The following KSR2 variants were observed in gnomAD, a reference collection of about 807,000 sequenced individuals.
KSR2 encodes the protein kinase suppressor of ras 2.
A neutral mutation model predicts 107.8 loss-of-function variants in KSR2; 25 were observed. The observed-to-expected ratio is 0.23, with a 90% CI of 0.17 to 0.32. The LOEUF (loss-of-function observed/expected upper bound fraction) is 0.32, where lower values mean the gene tolerates loss of function less well. Among genes scored for constraint, KSR2 ranks in the 10% least tolerant of loss-of-function variants. The probability of loss-of-function intolerance (pLI) is 1.00; values close to 1 mark genes in which losing one functional copy is unlikely to be tolerated. For synonymous variants in KSR2, 480 were observed against 507.0 expected, an observed-to-expected ratio of 0.95 and a Z score of 0.71; for missense variants, 887 against 1,268.9, an observed-to-expected ratio of 0.70 and a Z score of 4.57.
At chr12:117,682,391 G>A (rs964059678) in intron 4 of KSR2, among the ~76,000 whole-genome samples, 1 of 152,042 alleles carries the variant, frequency 6.6e-6, no homozygotes, top group African/African-American at 2.4e-5. Context: ...TGACAAACCT[G>A]CATGTCCTGC....
At position 117,466,853 on chromosome 12, in the gene KSR2, G is replaced by GC. The variant is rs1258410363; in HGVS notation, c.*345dup. 25 of 291,042 alleles carry GC rather than the reference G, an allele frequency of 8.6e-5. No individual in the cohort carries two copies. Among genetic ancestry groups the GC allele is most frequent in the East Asian group, 5.5e-4 (10 of 18,054 alleles). 18.0% of individuals were successfully genotyped at this position (291,042 alleles called of 1,614,324 possible). On this transcript the variant is annotated 3_prime_UTR_variant, in exon 20 of 20. Transcript: ENST00000339824. ...CACACACACATAGCCCCGTCTGTGA[G>GC]CCCCCCCACGTGGGGTCTCCTGTCC...
rs1204698322 is a variant in KSR2 at position 117,454,553 on chromosome 12, G to C, written c.*12646C>G. 3.3e-5 allele frequency: 5 copies of C among 152,250 alleles called. No homozygotes were observed. Among genetic ancestry groups the C allele is most frequent in the African/African-American group, 1.2e-4 (5 of 41,450 alleles). 9.4% of individuals were successfully genotyped at this position (152,250 alleles called of 1,614,324 possible). ...TCCCACACTTCAGGCTGTATTGCAG[G>C]CTTGGCCTGTGGCCCACTATGGCCC... is the stretch of plus-strand genomic sequence containing the variant. On this transcript the variant is annotated 3_prime_UTR_variant, in exon 20 of 20. Coordinates refer to ENST00000339824, the MANE Select transcript of KSR2 (RefSeq NM_173598.6).
At chr12:117,777,154 T>TATAC (rs1566009303) in intron 3 of KSR2, among the ~76,000 whole-genome samples, 1 of 139,282 alleles carries the variant, frequency 7.2e-6, no homozygotes, top group African/African-American at 2.7e-5. Context: ...TATATATATA[T>TATAC]ACACACCATA....
At chr12:117,843,154 T>G (rs1316557636) in intron 3 of KSR2, among the ~76,000 whole-genome samples, 1 of 152,120 alleles carries the variant, frequency 6.6e-6, no homozygotes, top group Non-Finnish European at 1.5e-5. Context: ...ATGATACAAC[T>G]AGCATCCCCA....
intron 3 of KSR2, among the ~76,000 whole-genome samples, chr12:117,809,092 T>C (rs1318126567): frequency 2.0e-5 from 3 of 151,912 alleles, no homozygotes; most frequent in African/African-American, 7.3e-5. Context: ...AGAGCATCCA[T>C]TTTTAGTCTT....
At chr12:117,733,690 C>G (rs1219028811) in intron 4 of KSR2, among the ~76,000 whole-genome samples, 1 of 152,148 alleles carries the variant, frequency 6.6e-6, no homozygotes, top group Admixed American at 6.5e-5. Flanking sequence ...TCCTGGCTCA[C>G]TAGAATGTTT....
At chr12:117,720,780 T>G (rs1887176622) in intron 4 of KSR2, among the ~76,000 whole-genome samples, 1 of 152,166 alleles carries the variant, frequency 6.6e-6, no homozygotes, top group African/African-American at 2.4e-5. Flanking sequence ...TAAGAAAATA[T>G]TTTTCAGCAG....
intron 5 of KSR2, among the ~76,000 whole-genome samples, chr12:117,638,992 C>T (rs1883233599): frequency 6.6e-6 from 1 of 152,156 alleles, no homozygotes; most frequent in Non-Finnish European, 1.5e-5. Flanking sequence ...GGATTTAGCC[C>T]TGCACCTACC....
chr12:117,531,589 T>C, intron 11 of KSR2, 77 bp downstream of exon 11: 1 of 1,283,578 alleles, frequency 7.8e-7, no homozygotes. Context: ...AACATCTGCC[T>C]CCATTCATCC....
At chr12:117,921,342 A>C (rs1257062560) in intron 1 of KSR2, among the ~76,000 whole-genome samples, 1 of 152,226 alleles carries the variant, frequency 6.6e-6, no homozygotes, top group Non-Finnish European at 1.5e-5. Flanking sequence ...ATAAATGTTC[A>C]GTAAATATTA....
chr12:117,608,903 T>TG (rs1418405002), intron 5 of KSR2, among the ~76,000 whole-genome samples: 2 of 151,992 alleles, frequency 1.3e-5, no homozygotes, highest in Non-Finnish European at 2.9e-5. Flanking sequence ...TGTACACAGT[T>TG]GGGGGGTAAT....
chr12:117,607,426 C>T (rs928174011), intron 5 of KSR2, among the ~76,000 whole-genome samples: 1 of 152,132 alleles, frequency 6.6e-6, no homozygotes, highest in African/African-American at 2.4e-5. Context: ...GGAGGCAAAG[C>T]CAGAACTGAA....
intron 3 of KSR2, among the ~76,000 whole-genome samples, chr12:117,801,481 G>C (rs997363062): frequency 6.6e-6 from 1 of 152,080 alleles, no homozygotes. Flanking sequence ...CAGTTCCTCA[G>C]GCTGTCCAGG....
At chr12:117,869,549 T>C (rs541136671) in intron 1 of KSR2, among the ~76,000 whole-genome samples, 1 of 152,328 alleles carries the variant, frequency 6.6e-6, no homozygotes, top group African/African-American at 2.4e-5. Context: ...ACAGATCTAT[T>C]GAAACTCTGC....
At chr12:117,914,209 G>T (rs1021003540) in intron 1 of KSR2, among the ~76,000 whole-genome samples, 1 of 152,190 alleles carries the variant, frequency 6.6e-6, no homozygotes, top group East Asian at 1.9e-4. Flanking sequence ...TGGCCAGATT[G>T]CTCGAGCCCA....
chr12:117,842,965 C>T lies in KSR2; in HGVS notation c.472+12463G>A, dbSNP rs1398322913. 6.7e-6 allele frequency among the ~76,000 whole-genome samples: 1 copy of T among 149,026 alleles called. No homozygotes were observed. Among genetic ancestry groups the T allele is most frequent in the East Asian group, 1.9e-4 (1 of 5,150 alleles). On this transcript the variant is annotated intron_variant, in intron 3 of 19. Transcript: ENST00000339824. This position sits in a 1 kb window ranked among gnomAD's most constrained non-coding sequence, Gnocchi z 4.2. ...GTCAGTGGCTCTGTAGGAAGACTTC[C>T]TTGGTTCAGATTCAGCTTGGGAAGG...
At chr12:117,609,311 G>A (rs907300453) in intron 5 of KSR2, among the ~76,000 whole-genome samples, 5 of 152,146 alleles carry the variant, frequency 3.3e-5, no homozygotes, top group Admixed American at 1.3e-4. Flanking sequence ...ATCAGAATCC[G>A]TGTACAGTGC....
chr12:117,792,223 T>A (rs982068297), intron 3 of KSR2, among the ~76,000 whole-genome samples: 1 of 151,924 alleles, frequency 6.6e-6, no homozygotes, highest in African/African-American at 2.4e-5. Context: ...TGTGTGCCTG[T>A]CCTGTAGTCC....
chr12:117,771,266 A>G (rs890633887), intron 3 of KSR2, among the ~76,000 whole-genome samples: 2 of 152,184 alleles, frequency 1.3e-5, no homozygotes, highest in Admixed American at 6.5e-5. Context: ...TCCCTTGGAA[A>G]GGCTAATCAG....
Sources: gnomAD v4.1 joint callset for allele counts (sites outside exome capture counted in the v4.1 genomes callset) on GRCh38, gnomAD v4.1.1 for gene constraint, Gnocchi (gnomAD v3.1) non-coding constraint, MANE v1.5 for transcripts, NCBI Gene and HGNC (gene_info 2026-07-23, HGNC 2026-07-21) for gene names.